Variants in KLHL7 observed in about 807,000 individuals in gnomAD.
KLHL7 encodes kelch-like protein 7.
In KLHL7, 44 loss-of-function variants were observed where a neutral mutation model predicts 67.4. That is an observed-to-expected ratio of 0.65 (90% CI 0.51 to 0.84). KLHL7 has a LOEUF of 0.84. Among genes scored for constraint, KLHL7 ranks in the 40% least tolerant of loss-of-function variants. KLHL7 has a pLI of 0.00. For synonymous variants in KLHL7, 252 were observed against 243.3 expected (o/e 1.04, Z -0.33); for missense variants, 362 against 718.1 (o/e 0.50, Z 5.67).
chr7:23,113,486 T>C (rs1782959260), intron 1 of KLHL7, among the ~76,000 whole-genome samples: 1 of 152,202 alleles, frequency 6.6e-6, no homozygotes, highest in Non-Finnish European at 1.5e-5. Context: ...GAAAGACTAA[T>C]TGCTGAGATT....
At chr7:23,138,805 G>C (rs1784078560) in intron 4 of KLHL7, among the ~76,000 whole-genome samples, 1 of 152,044 alleles carries the variant, frequency 6.6e-6, no homozygotes, top group Non-Finnish European at 1.5e-5. Flanking sequence ...CAAAGTGCTG[G>C]GATTACAGGC....
chr7:23,111,107 G>A (rs1018677384), intron 1 of KLHL7, among the ~76,000 whole-genome samples: 1 of 152,138 alleles, frequency 6.6e-6, no homozygotes, highest in Admixed American at 6.5e-5. Context: ...ACAGTGGTAG[G>A]TATTACACAG....
intron 4 of KLHL7, among the ~76,000 whole-genome samples, chr7:23,135,841 G>A (rs1783957831): frequency 6.6e-6 from 1 of 152,182 alleles, no homozygotes; most frequent in African/African-American, 2.4e-5. Context: ...AAGAGAAGCA[G>A]TATAGTATAT....
At chr7:23,168,120 A>G (rs556297015) in intron 9 of KLHL7, 83 bp downstream of exon 9, 3 of 1,343,226 alleles carry the variant, frequency 2.2e-6, no homozygotes, top group Non-Finnish European at 3.2e-6. Flanking sequence ...AGAGGAACCC[A>G]ACAGAAGAAT....
intron 1 of KLHL7, among the ~76,000 whole-genome samples, chr7:23,122,162 C>T (rs138454431): frequency 6.6e-6 from 1 of 152,200 alleles, no homozygotes; most frequent in Non-Finnish European, 1.5e-5. Context: ...CTTCAACCTC[C>T]TTCAGTGCCT....
At chr7:23,114,036 A>C (rs1023129730) in intron 1 of KLHL7, among the ~76,000 whole-genome samples, 1 of 152,224 alleles carries the variant, frequency 6.6e-6, no homozygotes, top group Non-Finnish European at 1.5e-5. Context: ...TATCTACCTC[A>C]CTTCCTCACT....
chr7:23,168,986 C>T (rs976643797), intron 9 of KLHL7, among the ~76,000 whole-genome samples: 6 of 152,148 alleles, frequency 3.9e-5, no homozygotes, highest in East Asian at 1.9e-4. Context: ...AGATGCCAGG[C>T]ATGGTGGCTC....
chr7:23,133,672 G>T (rs1000239132), intron 4 of KLHL7, among the ~76,000 whole-genome samples: 3 of 152,080 alleles, frequency 2.0e-5, no homozygotes, highest in Non-Finnish European at 2.9e-5. Flanking sequence ...GACCTCAGGC[G>T]ATCCGCCCGC....
intron 7 of KLHL7, among the ~76,000 whole-genome samples, chr7:23,162,100 A>T (rs1028975275): frequency 6.6e-6 from 1 of 152,216 alleles, no homozygotes; most frequent in Non-Finnish European, 1.5e-5. Context: ...CAGTGACAAG[A>T]GGAACCCAGA....
intron 1 of KLHL7, among the ~76,000 whole-genome samples, chr7:23,112,525 C>T (rs1265152417): frequency 6.6e-6 from 1 of 151,996 alleles, no homozygotes; most frequent in Non-Finnish European, 1.5e-5. Context: ...AAGGAATCAC[C>T]AGAAGAATAG....
chr7:23,154,836 C>G (rs563029026), intron 7 of KLHL7, among the ~76,000 whole-genome samples: 2 of 152,292 alleles, frequency 1.3e-5, no homozygotes, highest in East Asian at 3.9e-4. Flanking sequence ...TAATCTGATC[C>G]AGTAAGAAGA....
At chr7:23,166,799 G>C (rs1378575905) in intron 8 of KLHL7, among the ~76,000 whole-genome samples, 1 of 151,952 alleles carries the variant, frequency 6.6e-6, no homozygotes, top group Non-Finnish European at 1.5e-5. Context: ...ACTGTTCTGT[G>C]GTACTGCAGA....
At chr7:23,131,940 T>C (rs1273610761) in intron 4 of KLHL7, among the ~76,000 whole-genome samples, 1 of 152,142 alleles carries the variant, frequency 6.6e-6, no homozygotes, top group Non-Finnish European at 1.5e-5. Flanking sequence ...TCACTTAACA[T>C]AATTATCTCC....
At chr7:23,125,725 G>C (rs1783543563) in intron 4 of KLHL7, 2 of 1,457,220 alleles carry the variant, frequency 1.4e-6, no homozygotes, top group Non-Finnish European at 1.8e-6. Context: ...TAGCCATTTT[G>C]AAGCTATTAA....
intron 7 of KLHL7, among the ~76,000 whole-genome samples, chr7:23,161,266 C>A (rs1225664694): frequency 6.6e-6 from 1 of 152,128 alleles, no homozygotes; most frequent in Non-Finnish European, 1.5e-5. Flanking sequence ...TGCCTACATG[C>A]TATTTTACAG....
chr7:23,140,678 C>T, intron 4 of KLHL7, 91 bp from the exon 5 acceptor site: 2 of 1,042,776 alleles, frequency 1.9e-6, no homozygotes, highest in Non-Finnish European at 1.5e-6. Context: ...ATTTACTCAA[C>T]TAATTTTCCT....
chr7:23,136,277 T>C (rs1044425854), intron 4 of KLHL7, among the ~76,000 whole-genome samples: 1 of 152,238 alleles, frequency 6.6e-6, no homozygotes, highest in Non-Finnish European at 1.5e-5. Context: ...CAATCACATG[T>C]ATCCCTTCTG....
intron 1 of KLHL7, among the ~76,000 whole-genome samples, chr7:23,113,710 C>A (rs1011479429): frequency 6.6e-6 from 1 of 152,116 alleles, no homozygotes; most frequent in African/African-American, 2.4e-5. Flanking sequence ...CCTGTAATCC[C>A]AGCTACTCAG....
chr7:23,110,306 T>C (rs1046705155), intron 1 of KLHL7, among the ~76,000 whole-genome samples: 2 of 152,214 alleles, frequency 1.3e-5, no homozygotes, highest in Non-Finnish European at 2.9e-5. Context: ...TCTCTTCTTA[T>C]CCTGCTACAA....
Sources: allele counts gnomAD v4.1 joint callset (sites outside exome capture counted in the v4.1 genomes callset), GRCh38; gene constraint gnomAD v4.1.1; transcripts MANE v1.5; gene names NCBI Gene and HGNC (gene_info 2026-07-23, HGNC 2026-07-21).